The following CACNA2D3 variants were observed in gnomAD, a reference collection of about 807,000 sequenced individuals.
The protein encoded by CACNA2D3 is voltage-dependent calcium channel subunit alpha-2/delta-3.
Under a neutral mutation model 160.6 loss-of-function variants are expected in CACNA2D3, and 60 were observed. The ratio of observed to expected loss-of-function variants is 0.37; its 90% CI spans 0.30 to 0.46. The LOEUF (loss-of-function observed/expected upper bound fraction) is 0.46, where lower values mean the gene tolerates loss of function less well. Ranked by LOEUF, CACNA2D3 falls within the 20% of genes least tolerant of loss-of-function variation. The pLI is 1.00. For synonymous variants in CACNA2D3, 558 were observed against 492.9 expected (o/e 1.13, Z -1.75); for missense variants, 1,205 against 1,365.0 (o/e 0.88, Z 1.85).
At chr3:54,298,379 A>G (rs1424890438) in intron 2 of CACNA2D3, among the ~76,000 whole-genome samples, 1 of 152,364 alleles carries the variant, frequency 6.6e-6, no homozygotes, top group African/African-American at 2.4e-5. Flanking sequence ...ATTTTGAACA[A>G]TGCAGCAGTG....
intron 31 of CACNA2D3, among the ~76,000 whole-genome samples, chr3:54,996,587 G>T (rs1702863820): frequency 6.6e-6 from 1 of 152,128 alleles, no homozygotes; most frequent in Non-Finnish European, 1.5e-5. Context: ...CTCTCTTCTT[G>T]GCTCTGGGGC....
chr3:54,908,103 C>T (rs750794258), intron 27 of CACNA2D3, among the ~76,000 whole-genome samples: 33 of 152,154 alleles, frequency 2.2e-4, no homozygotes, highest in Admixed American at 2.1e-3. Context: ...CATATGGTAA[C>T]TCTGTTTGGT....
chr3:54,535,584 A>T (rs1257967995), intron 5 of CACNA2D3, among the ~76,000 whole-genome samples: 1 of 152,210 alleles, frequency 6.6e-6, no homozygotes, highest in East Asian at 1.9e-4. Context: ...GTGGATGTTA[A>T]GCTATTATAT....
intron 34 of CACNA2D3, among the ~76,000 whole-genome samples, chr3:55,013,002 G>T (rs927380122): frequency 6.6e-6 from 1 of 152,106 alleles, no homozygotes; most frequent in African/African-American, 2.4e-5. Context: ...GTCTTAAGGA[G>T]CTTTGTAGAA....
chr3:54,921,572 T>C (rs1171426365), intron 27 of CACNA2D3, among the ~76,000 whole-genome samples: 1 of 152,204 alleles, frequency 6.6e-6, no homozygotes, highest in South Asian at 2.1e-4. Flanking sequence ...TTTTGTGGTC[T>C]ATTTGAGGCC....
At chr3:54,648,276 A>G (rs1194278918) in intron 11 of CACNA2D3, among the ~76,000 whole-genome samples, 1 of 152,218 alleles carries the variant, frequency 6.6e-6, no homozygotes, top group Non-Finnish European at 1.5e-5. Flanking sequence ...GCATGAGAAC[A>G]TTATATAGAA....
At chr3:54,676,699 C>T (rs980060447) in intron 11 of CACNA2D3, among the ~76,000 whole-genome samples, 2 of 152,046 alleles carry the variant, frequency 1.3e-5, no homozygotes, top group Non-Finnish European at 2.9e-5. Context: ...TCCTGAAGTT[C>T]GATTAGTTGG....
At chr3:54,307,850 G>T (rs568022936) in intron 2 of CACNA2D3, among the ~76,000 whole-genome samples, 1 of 152,136 alleles carries the variant, frequency 6.6e-6, no homozygotes, top group Non-Finnish European at 1.5e-5. Flanking sequence ...CTTTTGTGGC[G>T]CCTGGGCAAC....
chr3:54,885,135 A>T, intron 21 of CACNA2D3, 146 bp from the exon 22 acceptor site: 1 of 722,612 alleles, frequency 1.4e-6, no homozygotes. Context: ...TTTCCTCAGA[A>T]AATAAACCTG....
rs58289082 is a variant in CACNA2D3, at chr3:54,911,351, C to CTTTTTTTTTTTTT, written c.2449+11493_2449+11505dup. On this transcript the variant is annotated intron_variant, in intron 27 of 37. Coordinates refer to ENST00000474759, the MANE Select transcript of CACNA2D3 (RefSeq NM_018398.3). ...CCTCCTCCCCCTCCTTCTTTGTCGTCTTTTTTTTTTTTTTTTTTTTTTAAA... is the reference window on the plus strand; with the variant it reads ...CCTCCTCCCCCTCCTTCTTTGTCGTCTTTTTTTTTTTTTTTTTTTTTTTTTTTTTTTTTTTAAA... Among the ~76,000 whole-genome samples the CTTTTTTTTTTTTT allele has an allele frequency of 2.4e-3, 140 of 58,582 alleles. 28 individuals are homozygous for CTTTTTTTTTTTTT. Among genetic ancestry groups the CTTTTTTTTTTTTT allele is most frequent in the African/African-American group, 0.012 (133 of 11,310 alleles). The allele number at this position is 58,582 out of a possible 152,430, so 38.4% of individuals were successfully genotyped here. A position where few individuals can be genotyped will look rare whatever the true frequency, so the allele number is the denominator to read the frequency against.
intron 6 of CACNA2D3, among the ~76,000 whole-genome samples, chr3:54,564,205 A>G (rs923554753): frequency 2.0e-5 from 3 of 152,176 alleles, no homozygotes; most frequent in African/African-American, 7.2e-5. Context: ...ATAAGTAGAA[A>G]CCGCAGATCA....
chr3:55,060,831 T>G (rs932002557), intron 35 of CACNA2D3, among the ~76,000 whole-genome samples: 1 of 152,250 alleles, frequency 6.6e-6, no homozygotes, highest in African/African-American at 2.4e-5. Context: ...TCCTTTGTTG[T>G]GAGCTCTTTT....
intron 12 of CACNA2D3, among the ~76,000 whole-genome samples, chr3:54,755,254 C>T (rs1049445473): frequency 6.6e-6 from 1 of 152,080 alleles, no homozygotes; most frequent in African/African-American, 2.4e-5. Context: ...TTCCTCCCTG[C>T]TGAATTGGGG....
intron 6 of CACNA2D3, among the ~76,000 whole-genome samples, chr3:54,569,483 C>T (rs1016112255): frequency 3.3e-5 from 5 of 152,196 alleles, no homozygotes; most frequent in East Asian, 1.9e-4. Flanking sequence ...GAAATGACTT[C>T]GGCTACCTTT....
chr3:54,915,665 T>A (rs1179394676), intron 27 of CACNA2D3, among the ~76,000 whole-genome samples: 4 of 152,224 alleles, frequency 2.6e-5, no homozygotes, highest in Admixed American at 2.6e-4. Context: ...TTAAAACATT[T>A]CATTTCTCAT....
At position 54,924,745 on chromosome 3, in the gene CACNA2D3, G is replaced by A. The variant is rs767403998; in HGVS notation, c.2449+24877G>A. 5 of 1,614,048 alleles carry A rather than the reference G, an allele frequency of 3.1e-6. No homozygotes were observed. In the South Asian group the frequency reaches 4.4e-5, roughly 14 times the overall value. ...GATTCCAGGAGCGCTCGATCAAGCT[G>A]CTGAAGCTGGTTTTGTTGAACCGCA... is the stretch of plus-strand genomic sequence containing the variant. On this transcript the variant is annotated intron_variant, in intron 27 of 37. Coordinates refer to ENST00000474759, the MANE Select transcript of CACNA2D3 (RefSeq NM_018398.3).
intron 2 of CACNA2D3, among the ~76,000 whole-genome samples, chr3:54,205,967 T>C (rs1367674404): frequency 6.6e-6 from 1 of 152,244 alleles, no homozygotes; most frequent in African/African-American, 2.4e-5. Context: ...AAAATATATC[T>C]GGTGTTTATT....
intron 2 of CACNA2D3, among the ~76,000 whole-genome samples, chr3:54,306,328 T>TGAGAGAGAGAGAGAGAGAGAGAGA (rs140311356): frequency 4.0e-5 from 6 of 151,216 alleles, no homozygotes; most frequent in Non-Finnish European, 7.4e-5. Flanking sequence ...TGTGTGTATA[T>TGAGAGAGAGAGAGAGAGAGAGAGA]GAGAGAGAGA....
intron 17 of CACNA2D3, among the ~76,000 whole-genome samples, chr3:54,847,959 G>A (rs964090540): frequency 6.6e-6 from 1 of 152,162 alleles, no homozygotes; most frequent in African/African-American, 2.4e-5. Context: ...TCTTCTACCA[G>A]TAAATGGATT....
Sources: gnomAD v4.1 joint callset for allele counts (sites outside exome capture counted in the v4.1 genomes callset) on GRCh38, gnomAD v4.1.1 for gene constraint, MANE v1.5 for transcripts, NCBI Gene and HGNC (gene_info 2026-07-23, HGNC 2026-07-21) for gene names.